The following ZNF385B variants were observed in gnomAD, a reference collection of about 807,000 sequenced individuals.
ZNF385B encodes zinc finger protein 385B, also known as zinc finger protein 533.
In ZNF385B, 23 loss-of-function variants were observed where a neutral mutation model predicts 39.2. The observed-to-expected ratio is 0.59, with a 90% confidence interval of 0.42 to 0.83. The LOEUF (loss-of-function observed/expected upper bound fraction) is 0.83. Ranked by LOEUF, ZNF385B falls within the 40% of genes least tolerant of loss-of-function variation. The pLI is 0.00. For synonymous variants in ZNF385B, 205 were observed against 222.6 expected, an observed-to-expected ratio of 0.92 and a Z score of 0.70; for missense variants, 552 against 598.9, an observed-to-expected ratio of 0.92 and a Z score of 0.82.
chr2:179,566,923 T>G (rs1390762963), intron 3 of ZNF385B, among the ~76,000 whole-genome samples: 1 of 148,946 alleles, frequency 6.7e-6, no homozygotes, highest in Non-Finnish European at 1.5e-5. Flanking sequence ...TCTTTTTTTT[T>G]TTTTTTTTTG....
At chr2:179,626,901 A>C (rs1250924734) in intron 3 of ZNF385B, among the ~76,000 whole-genome samples, 1 of 152,320 alleles carries the variant, frequency 6.6e-6, no homozygotes, top group East Asian at 1.9e-4. Context: ...ATGTTCCAAT[A>C]TAACCCTTAG....
At chr2:179,585,587 T>A (rs991182169) in intron 3 of ZNF385B, among the ~76,000 whole-genome samples, 6 of 152,242 alleles carry the variant, frequency 3.9e-5, no homozygotes, top group Non-Finnish European at 5.9e-5. Context: ...TCTAAAAATA[T>A]ATTTCCATTA....
rs1455910627 is a variant in ZNF385B at position 179,861,516 on chromosome 2, C to G, written c.-570G>C. 3.3e-5 allele frequency: 5 copies of G among 152,212 alleles called. No individual in the cohort carries two copies. The highest frequency in any genetic ancestry group is 7.3e-5 in the Non-Finnish European group (5 of 68,064). The allele number at this position is 152,212 out of a possible 1,614,324, so 9.4% of individuals were successfully genotyped here. ...GGGGTTTGGACGTGCCAACGCCACT[C>G]TCGCGCGCCGAAGCTGTGACGGTTT... On this transcript the variant is annotated 5_prime_UTR_variant, in exon 1 of 10. Transcript: ENST00000410066.
At chr2:179,550,524 T>C (rs1017302159) in intron 3 of ZNF385B, among the ~76,000 whole-genome samples, 3 of 149,852 alleles carry the variant, frequency 2.0e-5, no homozygotes, top group Non-Finnish European at 4.4e-5. Context: ...CTGTTTACCA[T>C]TTCATTAGCA....
intron 1 of ZNF385B, among the ~76,000 whole-genome samples, chr2:179,805,183 G>A (rs930293360): frequency 6.6e-6 from 1 of 152,162 alleles, no homozygotes; most frequent in African/African-American, 2.4e-5. Context: ...GCCATATGGA[G>A]AGGTTACATG....
chr2:179,642,128 A>G (rs1435870983), intron 3 of ZNF385B, among the ~76,000 whole-genome samples: 1 of 152,214 alleles, frequency 6.6e-6, no homozygotes, highest in Non-Finnish European at 1.5e-5. Flanking sequence ...AATGTCTACA[A>G]TAAAGATAGG....
chr2:179,617,301 G>A (rs3106706), intron 3 of ZNF385B, among the ~76,000 whole-genome samples: 29,479 of 152,014 alleles, frequency 0.19, 3,250 homozygotes, highest in African/African-American at 0.3. Flanking sequence ...CACCCCAGCT[G>A]GGTGCTCTTG....
intron 3 of ZNF385B, among the ~76,000 whole-genome samples, chr2:179,621,568 C>T (rs967007121): frequency 6.6e-6 from 1 of 152,178 alleles, no homozygotes; most frequent in Non-Finnish European, 1.5e-5. Flanking sequence ...CAAAGAAATG[C>T]ATGCAATTGG....
Position 179,756,056 on chromosome 2 carries a change from T to C in ZNF385B, c.298+13447A>G, listed in dbSNP as rs191947163. Among the ~76,000 whole-genome samples, 464 of 152,326 alleles carry C rather than the reference T, an allele frequency of 3.0e-3. 2 individuals are homozygous for C. The highest frequency in any genetic ancestry group is 0.01 in the African/African-American group (420 of 41,572). ...TGGTCTTTACAATTTGGCATGTTTT[T>C]GCAGTTTCTTCCTAGCCTCAATGGT... On this transcript the variant is annotated intron_variant, in intron 3 of 9. Coordinates refer to ENST00000410066, the MANE Select transcript of ZNF385B (RefSeq NM_152520.6).
intron 1 of ZNF385B, among the ~76,000 whole-genome samples, chr2:179,790,997 C>G (rs1405225237): frequency 6.6e-6 from 1 of 152,208 alleles, no homozygotes; most frequent in Non-Finnish European, 1.5e-5. Context: ...GCTCATCCTT[C>G]ACGGGGAACC....
intron 3 of ZNF385B, among the ~76,000 whole-genome samples, chr2:179,693,156 T>C (rs1698477577): frequency 6.6e-6 from 1 of 152,238 alleles, no homozygotes; most frequent in South Asian, 2.1e-4. Flanking sequence ...ATTTGGTCCA[T>C]ATTTATTAGC....
chr2:179,468,394 A>C (rs977437680), intron 6 of ZNF385B, among the ~76,000 whole-genome samples: 38 of 152,300 alleles, frequency 2.5e-4, no homozygotes, highest in Non-Finnish European at 7.3e-5. Flanking sequence ...CCCCTTTTCC[A>C]ATTTGTCACC....
At chr2:179,841,144 C>T (rs1281627428) in intron 1 of ZNF385B, among the ~76,000 whole-genome samples, 1 of 152,112 alleles carries the variant, frequency 6.6e-6, no homozygotes, top group Non-Finnish European at 1.5e-5. Context: ...TCGTACAAGG[C>T]AGAGAAAAAG....
chr2:179,605,453 G>C (rs190595194), intron 3 of ZNF385B, among the ~76,000 whole-genome samples: 1 of 152,044 alleles, frequency 6.6e-6, no homozygotes, highest in Admixed American at 6.6e-5. Context: ...GAGAGGCCAA[G>C]ACATGAGTTT....
chr2:179,564,994 G>A (rs899005104), intron 3 of ZNF385B, among the ~76,000 whole-genome samples: 5 of 152,088 alleles, frequency 3.3e-5, no homozygotes, highest in Admixed American at 2.0e-4. Context: ...CCTGAATCCA[G>A]TTAGTAAGCT....
chr2:179,834,568 G>A (rs1054129510), intron 1 of ZNF385B, among the ~76,000 whole-genome samples: 2 of 152,120 alleles, frequency 1.3e-5, no homozygotes, highest in Non-Finnish European at 2.9e-5. Flanking sequence ...ACAAAGGGAA[G>A]TCAAATAATG....
intron 3 of ZNF385B, among the ~76,000 whole-genome samples, chr2:179,561,731 A>G (rs2061348976): frequency 6.6e-6 from 1 of 152,168 alleles, no homozygotes; most frequent in Non-Finnish European, 1.5e-5. Flanking sequence ...GTATACATAC[A>G]AATTATACCT....
intron 5 of ZNF385B, among the ~76,000 whole-genome samples, chr2:179,493,501 A>G (rs1370176198): frequency 6.7e-6 from 1 of 149,956 alleles, no homozygotes; most frequent in African/African-American, 2.5e-5. Context: ...ACGTGTGTGT[A>G]CATATATGCG....
chr2:179,616,740 C>T (rs554057649), intron 3 of ZNF385B, among the ~76,000 whole-genome samples: 5 of 152,022 alleles, frequency 3.3e-5, no homozygotes, highest in African/African-American at 1.2e-4. Context: ...TTTTTATTTT[C>T]TGGGAAGACA....
Sources: allele counts gnomAD v4.1 joint callset (sites outside exome capture counted in the v4.1 genomes callset), GRCh38; gene constraint gnomAD v4.1.1; transcripts MANE v1.5; gene names NCBI Gene and HGNC (gene_info 2026-07-23, HGNC 2026-07-21).